Variants in DLC1 observed in about 807,000 individuals in gnomAD.
The protein encoded by DLC1 is DLC1 Rho GTPase activating protein, also known as rho GTPase-activating protein 7.
Under a neutral mutation model 140.3 loss-of-function variants are expected in DLC1, and 54 were observed. That is an observed-to-expected ratio of 0.38 (90% CI 0.31 to 0.48). DLC1 has a LOEUF of 0.48. Ranked by LOEUF, DLC1 falls within the 20% of genes least tolerant of loss-of-function variation. The pLI is 0.96. For synonymous variants in DLC1, 986 were observed against 728.1 expected (o/e 1.35, Z -5.70); for missense variants, 2,536 against 1,907.0 (o/e 1.33, Z -6.14).
intron 5 of DLC1, among the ~76,000 whole-genome samples, chr8:13,151,817 T>A (rs913759746): frequency 6.6e-6 from 1 of 152,176 alleles, no homozygotes; most frequent in Non-Finnish European, 1.5e-5. Flanking sequence ...CCATACTATA[T>A]TACACCTTTA....
chr8:13,152,283 C>T (rs1823879088), intron 5 of DLC1, among the ~76,000 whole-genome samples: 1 of 152,188 alleles, frequency 6.6e-6, no homozygotes, highest in Admixed American at 6.5e-5. Context: ...TGGTGGTTAA[C>T]AACTTTGCAT....
chr8:13,287,082 A>T (rs567830371), intron 5 of DLC1, among the ~76,000 whole-genome samples: 1 of 151,944 alleles, frequency 6.6e-6, no homozygotes, highest in Admixed American at 6.6e-5. Context: ...TAATAAATTT[A>T]AGAAATGTGG....
chr8:13,385,638 G>A (rs13254451), intron 4 of DLC1, among the ~76,000 whole-genome samples: 15 of 152,272 alleles, frequency 9.9e-5, no homozygotes, highest in African/African-American at 3.6e-4. Context: ...ATTTATATAT[G>A]TGATTTTCAG....
intron 2 of DLC1, among the ~76,000 whole-genome samples, chr8:13,492,198 C>G (rs1276880236): frequency 6.6e-6 from 1 of 151,114 alleles, no homozygotes; most frequent in Non-Finnish European, 1.5e-5. Flanking sequence ...GGTTCCACCT[C>G]TAGCCTGTTG....
intron 3 of DLC1, among the ~76,000 whole-genome samples, chr8:13,397,196 C>G (rs959103069): frequency 6.6e-6 from 1 of 152,112 alleles, no homozygotes; most frequent in Non-Finnish European, 1.5e-5. Flanking sequence ...AAGAAAAGGT[C>G]TCACTGCTGA....
At chr8:13,267,685 T>G (rs1157762311) in intron 5 of DLC1, among the ~76,000 whole-genome samples, 2 of 151,906 alleles carry the variant, frequency 1.3e-5, no homozygotes, top group Admixed American at 1.3e-4. Flanking sequence ...GAATCTTCAA[T>G]CTTTTATAAA....
At chr8:13,120,071 G>C (rs1359523911) in intron 5 of DLC1, among the ~76,000 whole-genome samples, 2 of 151,804 alleles carry the variant, frequency 1.3e-5, no homozygotes, top group Admixed American at 1.3e-4. Context: ...GCTTGGGCAT[G>C]GTGGCTCACG....
rs573337345 is a variant in DLC1, at chr8:13,100,203, T to C, written c.2134A>G (p.Asn712Asp). ...GMDEEKLKQL[N>D]CVEISALNGN... ...TTGAGGGCGGAGATCTCCACGCAGT[T>C]GAGCTGCTTCAGCTTCTCCTCATCC... is the stretch of plus-strand genomic sequence containing the variant. Residue 712 changes from asparagine to aspartate, a missense_variant, in exon 9 of 18, where the codon AAC becomes GAC. Coordinates refer to ENST00000276297, the MANE Select transcript of DLC1 (RefSeq NM_182643.3). 1 of 1,614,158 alleles carries C rather than the reference T, an allele frequency of 6.2e-7. No individual in the cohort carries two copies. The highest frequency in any genetic ancestry group is 1.1e-5 in the South Asian group (1 of 91,084).
At chr8:13,589,235 T>A (rs1277493870) in intron 1 of DLC1, among the ~76,000 whole-genome samples, 2 of 152,104 alleles carry the variant, frequency 1.3e-5, no homozygotes, top group Admixed American at 1.3e-4. Context: ...TATGCTTTTT[T>A]AATGTTATAA....
intron 2 of DLC1, among the ~76,000 whole-genome samples, chr8:13,465,341 T>C (rs559362548): frequency 6.6e-6 from 1 of 152,302 alleles, no homozygotes; most frequent in African/African-American, 2.4e-5. Context: ...CCTAATATTA[T>C]TGTATCAGTT....
chr8:13,192,802 G>A (rs1162891332), intron 5 of DLC1, among the ~76,000 whole-genome samples: 1 of 152,238 alleles, frequency 6.6e-6, no homozygotes, highest in Non-Finnish European at 1.5e-5. Flanking sequence ...ATGACCCTCT[G>A]AGGGCAAAGC....
At position 13,094,776 on chromosome 8, in the gene DLC1, A is replaced by G. The variant is rs201743769; in HGVS notation, c.3509T>C (p.Phe1170Ser). Reference protein sequence around the residue: ...PLMTNKLSETFLQIYQYVPKD... With the variant: ...PLMTNKLSETSLQIYQYVPKD... ...ACACTCACATTGGTAGATCTGTAGA[A>G]AGGTTTCCGAGAGTTTGTTCGTCAT... The change falls in exon 12 of 18, where the codon TTT becomes TCT. Residue 1170 changes from phenylalanine to serine, a missense_variant. Physicochemically the swap from Phe to Ser is radical, Grantham distance 155. Coordinates refer to ENST00000276297, the MANE Select transcript of DLC1 (RefSeq NM_182643.3). 6.2e-7 allele frequency: 1 copy of G among 1,614,192 alleles called. No individual in the cohort carries two copies. The highest frequency in any genetic ancestry group is 1.1e-5 in the South Asian group (1 of 91,088).
At chr8:13,452,150 T>G (rs1369573033) in intron 2 of DLC1, among the ~76,000 whole-genome samples, 2 of 151,524 alleles carry the variant, frequency 1.3e-5, no homozygotes, top group Non-Finnish European at 2.9e-5. Context: ...AAGAGTTATC[T>G]AATGAAAAAT....
At chr8:13,123,031 T>G (rs1232775974) in intron 5 of DLC1, among the ~76,000 whole-genome samples, 1 of 152,178 alleles carries the variant, frequency 6.6e-6, no homozygotes, top group Non-Finnish European at 1.5e-5. Context: ...CACAAGCTCC[T>G]GACTTGAAGC....
chr8:13,371,941 G>A (rs1036366798), intron 4 of DLC1, among the ~76,000 whole-genome samples: 16 of 152,144 alleles, frequency 1.1e-4, no homozygotes, highest in African/African-American at 3.9e-4. Context: ...TACTGAGGAA[G>A]TATATCATAA....
At chr8:13,310,856 T>G (rs1474115675) in intron 4 of DLC1, among the ~76,000 whole-genome samples, 1 of 152,194 alleles carries the variant, frequency 6.6e-6, no homozygotes, top group Non-Finnish European at 1.5e-5. Context: ...GGAGAGGGAT[T>G]TAGAGATCAT....
At chr8:13,507,230 G>C (rs993327847) in intron 1 of DLC1, among the ~76,000 whole-genome samples, 14 of 152,176 alleles carry the variant, frequency 9.2e-5, no homozygotes, top group African/African-American at 3.1e-4. Context: ...ACAGCTCAGT[G>C]ATAAATGAAG....
chr8:13,568,024 A>G, intron 1 of DLC1: 1 of 1,411,460 alleles, frequency 7.1e-7, no homozygotes, highest in Non-Finnish European at 9.4e-7. Flanking sequence ...AACTAACTTA[A>G]GACTTTACTA....
chr8:13,456,458 TTTTTTTA>T (rs937084189), intron 2 of DLC1, among the ~76,000 whole-genome samples: 2 of 152,060 alleles, frequency 1.3e-5, no homozygotes, highest in Admixed American at 6.6e-5. Flanking sequence ...TTTTTATTTT[TTTTTTTA>T]TTTTTATTTT....
Sources: gnomAD v4.1 joint callset for allele counts (sites outside exome capture counted in the v4.1 genomes callset) on GRCh38, gnomAD v4.1.1 for gene constraint, MANE v1.5 for transcripts, NCBI Gene and HGNC (gene_info 2026-07-23, HGNC 2026-07-21) for gene names.